The following APBA1 variants were observed in gnomAD, a reference collection of about 807,000 sequenced individuals.
The protein encoded by APBA1 is amyloid-beta A4 precursor protein-binding family A member 1.
In APBA1, 55 loss-of-function variants were observed where a neutral mutation model predicts 86.6. The observed-to-expected ratio is 0.64, with a 90% CI of 0.51 to 0.80. The LOEUF (loss-of-function observed/expected upper bound fraction) is 0.80, where lower values mean the gene tolerates loss of function less well. Ranked by LOEUF, APBA1 falls within the 30% of genes least tolerant of loss-of-function variation. The pLI is 0.00. For missense variants in APBA1, 1,090 were observed against 1,183.0 expected (o/e 0.92, Z 1.15); for synonymous variants, 511 against 493.9 (o/e 1.03, Z -0.46).
At chr9:69,456,122 C>T in intron 8 of APBA1, 125 bp downstream of exon 8, 1 of 1,078,040 alleles carries the variant, frequency 9.3e-7, no homozygotes, top group Non-Finnish European at 1.4e-6. Context: ...AGTGCTGGAA[C>T]AGTGCCTGAC....
rs756431794 is a variant in APBA1, at chr9:69,516,518, C to G, written c.693G>C (p.Leu231=). 1.3e-6 allele frequency: 2 copies of G among 1,595,634 alleles called. No individual in the cohort carries two copies. The highest frequency in any genetic ancestry group is 2.2e-5 in the South Asian group (2 of 90,556). Residue 231 remains leucine (L), a synonymous_variant, in exon 2 of 13, where the codon CTG becomes CTC. Transcript: ENST00000265381. The surrounding 1 kb of genome is among the most constrained non-coding windows in gnomAD (Gnocchi z 7.3). ...DEAAAYRQEA[L]GARLHHYDER... is the part of the protein sequence containing the mutation. ...CGTCGTAATGGTGCAGCCGCGCGCCCAGGGCCTCCTGGCGGTACGCGGCCG... is the reference window on the plus strand; with the variant it reads ...CGTCGTAATGGTGCAGCCGCGCGCCGAGGGCCTCCTGGCGGTACGCGGCCG...
intron 1 of APBA1, among the ~76,000 whole-genome samples, chr9:69,612,770 A>G (rs1822615463): frequency 6.6e-6 from 1 of 152,074 alleles, no homozygotes. Flanking sequence ...AAAAAAGAAT[A>G]ATTTTGTCTA....
At chr9:69,482,970 G>A (rs1359367270) in intron 2 of APBA1, among the ~76,000 whole-genome samples, 12 of 118,552 alleles carry the variant, frequency 1.0e-4, no homozygotes, top group Non-Finnish European at 1.7e-4. Flanking sequence ...GGACTGTTGT[G>A]GGGTGGGGGG....
At chr9:69,504,278 G>T (rs1835920266) in intron 2 of APBA1, among the ~76,000 whole-genome samples, 1 of 151,964 alleles carries the variant, frequency 6.6e-6, no homozygotes, top group African/African-American at 2.4e-5. Flanking sequence ...TCCAGGACAT[G>T]GTCTTTCATA....
At chr9:69,511,153 A>C (rs1382900742) in intron 2 of APBA1, among the ~76,000 whole-genome samples, 11 of 151,980 alleles carry the variant, frequency 7.2e-5, no homozygotes, top group African/African-American at 2.2e-4. Flanking sequence ...AAATGGGAGC[A>C]AATTTTCGCA....
At chr9:69,432,809 A>C in intron 11 of APBA1, 133 bp from the exon 12 acceptor site, 1 of 931,356 alleles carries the variant, frequency 1.1e-6, no homozygotes, top group Non-Finnish European at 1.5e-6. Context: ...TTGGGCATTT[A>C]ACTCTCTTAG....
At chr9:69,529,784 C>CA (rs1375439585) in intron 1 of APBA1, among the ~76,000 whole-genome samples, 5 of 151,888 alleles carry the variant, frequency 3.3e-5, no homozygotes, top group Admixed American at 2.0e-4. Flanking sequence ...AAAATATTTC[C>CA]AAATTATGCC....
intron 8 of APBA1, 92 bp downstream of exon 8, chr9:69,456,155 A>T (rs1443613574): frequency 1.3e-5 from 17 of 1,332,156 alleles, no homozygotes; most frequent in Non-Finnish European, 1.7e-5. Context: ...CACAATAAAT[A>T]CATGCATCAT....
chr9:69,588,704 A>C (rs1822070612), intron 1 of APBA1, among the ~76,000 whole-genome samples: 1 of 152,188 alleles, frequency 6.6e-6, no homozygotes, highest in Admixed American at 6.5e-5. Context: ...GATCACGATT[A>C]TGGCAACTAA....
chr9:69,494,494 A>G (rs988645475), intron 2 of APBA1: 2 of 152,166 alleles, frequency 1.3e-5, no homozygotes, highest in African/African-American at 4.8e-5. Flanking sequence ...AAAAATAAAT[A>G]AATAAATAAC....
chr9:69,553,438 T>C (rs1477907096), intron 1 of APBA1, among the ~76,000 whole-genome samples: 4 of 152,236 alleles, frequency 2.6e-5, no homozygotes, highest in Non-Finnish European at 5.9e-5. Flanking sequence ...CTTGTTCTGT[T>C]CTTGAACTTC....
intron 2 of APBA1, among the ~76,000 whole-genome samples, chr9:69,493,335 T>C (rs138847052): frequency 7.0e-4 from 106 of 152,214 alleles, no homozygotes; most frequent in African/African-American, 2.4e-3. Context: ...GTTCCCAGCA[T>C]ATCACCTGCG....
intron 1 of APBA1, among the ~76,000 whole-genome samples, chr9:69,569,315 G>C (rs1837078308): frequency 1.3e-5 from 2 of 152,206 alleles, no homozygotes; most frequent in African/African-American, 4.8e-5. Flanking sequence ...ATTTGCCAAA[G>C]CTATTTGAGA....
chr9:69,533,365 C>A (rs1181452665), intron 1 of APBA1, among the ~76,000 whole-genome samples: 1 of 152,000 alleles, frequency 6.6e-6, no homozygotes, highest in Non-Finnish European at 1.5e-5. Context: ...ATTAAAAAAA[C>A]CAAATACATA....
intron 1 of APBA1, among the ~76,000 whole-genome samples, chr9:69,536,747 G>A (rs972832315): frequency 2.7e-5 from 4 of 145,740 alleles, no homozygotes; most frequent in East Asian, 2.0e-4. Flanking sequence ...AGGCGTGTTC[G>A]CACACACCTG....
intron 1 of APBA1, among the ~76,000 whole-genome samples, chr9:69,608,623 A>T (rs1822522665): frequency 6.6e-6 from 1 of 152,246 alleles, no homozygotes; most frequent in African/African-American, 2.4e-5. Flanking sequence ...ACAAAGGAAC[A>T]TCTGTAAATA....
rs184132325 is a variant in APBA1, at chr9:69,563,768, C to T, written c.-69-46489G>A. Among the ~76,000 whole-genome samples, 289 of 152,208 alleles carry T rather than the reference C, an allele frequency of 1.9e-3. 1 individual carries two copies. Among genetic ancestry groups the T allele is most frequent in the Non-Finnish European group, 3.2e-3 (215 of 67,994 alleles). On this transcript the variant is annotated intron_variant, in intron 1 of 12. Coordinates refer to ENST00000265381, the MANE Select transcript of APBA1 (RefSeq NM_001163.4). ...TTATGGTTCCTGACACTCAGACAGACAGATGTTTCCAAGACACGTGAGAGA... is the reference window on the plus strand; with the variant it reads ...TTATGGTTCCTGACACTCAGACAGATAGATGTTTCCAAGACACGTGAGAGA...
chr9:69,474,505 C>T (rs1249426610), intron 3 of APBA1, among the ~76,000 whole-genome samples: 1 of 152,222 alleles, frequency 6.6e-6, no homozygotes, highest in African/African-American at 2.4e-5. Flanking sequence ...AACGATAGTG[C>T]TCATGACTGT....
intron 1 of APBA1, among the ~76,000 whole-genome samples, chr9:69,615,163 G>T (rs1256902410): frequency 6.6e-6 from 1 of 152,204 alleles, no homozygotes; most frequent in Non-Finnish European, 1.5e-5. Context: ...TCACGCCACT[G>T]CGTTCCGGCC....
Sources: gnomAD v4.1 joint callset for allele counts (sites outside exome capture counted in the v4.1 genomes callset) on GRCh38, gnomAD v4.1.1 for gene constraint, Gnocchi (gnomAD v3.1) non-coding constraint, MANE v1.5 for transcripts, NCBI Gene and HGNC (gene_info 2026-07-23, HGNC 2026-07-21) for gene names.